Variants in FRAS1 observed in about 807,000 individuals in gnomAD.
FRAS1 encodes extracellular matrix organizing protein FRAS1.
In FRAS1, 290 loss-of-function variants were observed where a neutral mutation model predicts 435.2. The ratio of observed to expected loss-of-function variants is 0.67; its 90% confidence interval spans 0.61 to 0.73. The LOEUF is 0.73. FRAS1 is among the 30% of genes least tolerant of loss of function. The pLI is 0.00. For missense variants in FRAS1, 4,860 were observed against 5,001.5 expected (o/e 0.97, Z 0.85); for synonymous variants, 1,800 against 1,851.0 (o/e 0.97, Z 0.71).
intron 2 of FRAS1, among the ~76,000 whole-genome samples, chr4:78,155,346 T>C (rs1720839595): frequency 6.6e-6 from 1 of 152,238 alleles, no homozygotes; most frequent in Non-Finnish European, 1.5e-5. Flanking sequence ...AGATTGTTAT[T>C]ATTTTGAAAA....
Position 78,267,228 on chromosome 4 carries a change from C to G in FRAS1, c.790-13C>G, listed in dbSNP as rs533917745. On this transcript the variant is annotated splice_polypyrimidine_tract_variant and intron_variant, in intron 8 of 73. Transcript: ENST00000512123. Reference sequence around the variant, plus strand: ...CCTGAGGACTGCCCCTCACCTTCCTCTCTGTGTCCTAGGGTCAGAGCAGGG... The same window carrying G: ...CCTGAGGACTGCCCCTCACCTTCCTGTCTGTGTCCTAGGGTCAGAGCAGGG... 1 of 1,612,492 alleles carries G rather than the reference C, an allele frequency of 6.2e-7. No individual in the cohort carries two copies. The highest frequency in any genetic ancestry group is 1.3e-5 in the African/African-American group (1 of 75,020).
rs1189169375 is a variant in FRAS1, at chr4:78,450,323, G to A, written c.6447G>A (p.Gln2149=). The change falls in exon 45 of 74, where the codon CAG becomes CAA. Residue 2149 remains glutamine (Q), a synonymous_variant. Coordinates refer to ENST00000512123, the MANE Select transcript of FRAS1 (RefSeq NM_025074.7). ...AAGGCCCCATCCGAAGTTTCACCCA[G>A]GCAGACATTAGCCAAGGTCAGCCAG... ...SIKGPIRSFT[Q]ADISQGHVEY... 6.2e-7 allele frequency: 1 copy of A among 1,613,690 alleles called. No individual in the cohort carries two copies. The highest frequency in any genetic ancestry group is 8.5e-7 in the Non-Finnish European group (1 of 1,179,782).
intron 65 of FRAS1, among the ~76,000 whole-genome samples, chr4:78,513,753 C>T (rs760145412): frequency 4.6e-5 from 7 of 152,260 alleles, no homozygotes; most frequent in Non-Finnish European, 8.8e-5. Context: ...TTTGGAATCA[C>T]ACTGGTTCAA....
chr4:78,154,625 C>T (rs557997086), intron 2 of FRAS1, among the ~76,000 whole-genome samples: 16 of 152,044 alleles, frequency 1.1e-4, no homozygotes, highest in African/African-American at 3.4e-4. Context: ...TTTTTAGGCT[C>T]GCTTTAATTG....
chr4:78,412,356 T>C (rs981752709), intron 31 of FRAS1, among the ~76,000 whole-genome samples: 1 of 152,228 alleles, frequency 6.6e-6, no homozygotes, highest in Non-Finnish European at 1.5e-5. Context: ...AGGGAGAAGC[T>C]GCATAGAAAA....
At chr4:78,379,397 A>C (rs1238541607) in intron 26 of FRAS1, 1 of 248,528 alleles carries the variant, frequency 4.0e-6, no homozygotes, top group Non-Finnish European at 7.6e-6. Context: ...TCCAGGCTCC[A>C]TGTCTTCTAT....
chr4:78,453,561 G>A (rs74320256), intron 47 of FRAS1, among the ~76,000 whole-genome samples: 3,280 of 152,266 alleles, frequency 0.022, 120 homozygotes, highest in African/African-American at 0.075. Flanking sequence ...CACTTTGGGA[G>A]GTTGAGGTGG....
At chr4:78,284,227 G>GTTTTTTT (rs1460694054) in intron 12 of FRAS1, among the ~76,000 whole-genome samples, 178 bp from the exon 13 acceptor site, 2 of 37,352 alleles carry the variant, frequency 5.4e-5, no homozygotes, top group Admixed American at 3.5e-4. Flanking sequence ...GCATTGGAAT[G>GTTTTTTT]TATTTTTTTT....
intron 2 of FRAS1, among the ~76,000 whole-genome samples, chr4:78,235,890 A>G (rs1724734081): frequency 6.6e-6 from 1 of 152,222 alleles, no homozygotes; most frequent in Non-Finnish European, 1.5e-5. Context: ...TTGAGGCTGC[A>G]GTGAGCTGTG....
At chr4:78,321,711 G>A (rs897551835) in intron 18 of FRAS1, among the ~76,000 whole-genome samples, 12 of 151,912 alleles carry the variant, frequency 7.9e-5, no homozygotes, top group African/African-American at 2.9e-4. Context: ...TGGGCATGGT[G>A]GCACGTGCCT....
chr4:78,295,355 C>T (rs749497618), intron 14 of FRAS1, among the ~76,000 whole-genome samples: 1 of 152,204 alleles, frequency 6.6e-6, no homozygotes, highest in South Asian at 2.1e-4. Context: ...CTAATTTGTA[C>T]TCTTACCAGA....
chr4:78,065,081 T>TATATATATATATATATATACAC (rs762909923), intron 1 of FRAS1, among the ~76,000 whole-genome samples: 44 of 125,682 alleles, frequency 3.5e-4, no homozygotes, highest in African/African-American at 1.3e-3. Flanking sequence ...TATATATATA[T>TATATATATATATATATATACAC]ATACATACAC....
Position 78,445,697 on chromosome 4 carries a change from C to A in FRAS1, c.5841C>A (p.Ile1947=). The A allele has an allele frequency of 6.2e-7, 1 of 1,613,906 alleles. No homozygotes were observed. The highest frequency in any genetic ancestry group is 8.5e-7 in the Non-Finnish European group (1 of 1,179,848). The change falls in exon 42 of 74, where the codon ATC becomes ATA. Residue 1947 remains isoleucine (I), a synonymous_variant. Coordinates refer to ENST00000512123, the MANE Select transcript of FRAS1 (RefSeq NM_025074.7). ...CCAGTCGTTCAGAAATTCACAGCAT[C>A]AATATCACCATTGAGGTAAAGACTT... ...DGTSRSEIHS[I]NITIERKNDE...
chr4:78,454,404 G>A (rs918487993), intron 47 of FRAS1, among the ~76,000 whole-genome samples: 2 of 152,078 alleles, frequency 1.3e-5, no homozygotes, highest in African/African-American at 4.8e-5. Context: ...TGGTGGAGGA[G>A]GGCATGTAGT....
At chr4:78,465,672 C>T (rs1056111379) in intron 49 of FRAS1, among the ~76,000 whole-genome samples, 6 of 152,200 alleles carry the variant, frequency 3.9e-5, no homozygotes, top group African/African-American at 7.2e-5. Context: ...AGAGAGGAAC[C>T]CTGGGACTAG....
intron 9 of FRAS1, among the ~76,000 whole-genome samples, chr4:78,276,558 G>C (rs1214436568): frequency 1.3e-5 from 2 of 152,234 alleles, no homozygotes; most frequent in Non-Finnish European, 2.9e-5. Flanking sequence ...CTGCAGGTCT[G>C]TTGGAGTTTG....
chr4:78,182,019 C>G (rs1439088219), intron 2 of FRAS1: 5 of 1,533,236 alleles, frequency 3.3e-6, no homozygotes, highest in Non-Finnish European at 4.4e-6. Context: ...ACCACACAGC[C>G]GAAGCCTTCC....
intron 35 of FRAS1, 47 bp downstream of exon 35, chr4:78,424,467 C>G: frequency 1.1e-6 from 1 of 923,054 alleles, no homozygotes; most frequent in Non-Finnish European, 1.6e-6. Flanking sequence ...TTTTTCTTTC[C>G]TTATTAGTTC....
At chr4:78,472,956 C>T (rs1163333116) in intron 52 of FRAS1, among the ~76,000 whole-genome samples, 2 of 152,290 alleles carry the variant, frequency 1.3e-5, no homozygotes, top group African/African-American at 4.8e-5. Context: ...GTTCTCTCCT[C>T]ACACCTTTTT....
Sources: gnomAD v4.1 joint callset for allele counts (sites outside exome capture counted in the v4.1 genomes callset) on GRCh38, gnomAD v4.1.1 for gene constraint, MANE v1.5 for transcripts, NCBI Gene and HGNC (gene_info 2026-07-23, HGNC 2026-07-21) for gene names.